The following LRRTM4 variants were observed in gnomAD, a reference collection of about 807,000 sequenced individuals.
The protein encoded by LRRTM4 is leucine rich repeat transmembrane neuronal 4, also known as leucine-rich repeat transmembrane neuronal protein 4.
In LRRTM4, 25 loss-of-function variants were observed where a neutral mutation model predicts 47.6. The ratio of observed to expected loss-of-function variants is 0.53; its 90% CI spans 0.38 to 0.73. The LOEUF is 0.73. Ranked by LOEUF, LRRTM4 falls within the 30% of genes least tolerant of loss-of-function variation. The pLI, the probability that LRRTM4 is intolerant of heterozygous loss-of-function variation, is 0.00. For synonymous variants in LRRTM4, 311 were observed against 269.5 expected, an observed-to-expected ratio of 1.15 and a Z score of -1.51; for missense variants, 638 against 713.4, an observed-to-expected ratio of 0.89 and a Z score of 1.20.
chr2:77,378,386 A>C (rs1672918665), intron 3 of LRRTM4, among the ~76,000 whole-genome samples: 1 of 151,994 alleles, frequency 6.6e-6, no homozygotes, highest in Admixed American at 6.6e-5. Context: ...CTATAATTTT[A>C]TTTTGAAAGC....
intron 3 of LRRTM4, among the ~76,000 whole-genome samples, chr2:77,119,163 T>C (rs990407208): frequency 2.0e-5 from 3 of 151,840 alleles, no homozygotes; most frequent in African/African-American, 7.2e-5. Flanking sequence ...CAATGTATGC[T>C]CTCTTTTGTT....
At chr2:77,475,853 T>C (rs563278101) in intron 3 of LRRTM4, among the ~76,000 whole-genome samples, 2 of 152,134 alleles carry the variant, frequency 1.3e-5, no homozygotes, top group Non-Finnish European at 2.9e-5. Flanking sequence ...TGTCAATTTA[T>C]ATTTCTTTTT....
intron 3 of LRRTM4, among the ~76,000 whole-genome samples, chr2:77,343,374 A>G (rs1671445033): frequency 6.6e-6 from 1 of 152,000 alleles, no homozygotes; most frequent in Non-Finnish European, 1.5e-5. Context: ...TTATTGAATT[A>G]AAACATTAGG....
At chr2:77,477,522 G>T (rs1372542650) in intron 3 of LRRTM4, among the ~76,000 whole-genome samples, 1 of 151,936 alleles carries the variant, frequency 6.6e-6, no homozygotes, top group Non-Finnish European at 1.5e-5. Flanking sequence ...TATACTATTT[G>T]AAAGTATATG....
chr2:76,807,431 TATATACGTATATAC>T (rs1670535611), intron 3 of LRRTM4, among the ~76,000 whole-genome samples: 1 of 94,706 alleles, frequency 1.1e-5, no homozygotes, highest in African/African-American at 6.3e-5. Flanking sequence ...TATACATATA[TATATACGTATATAC>T]ATATATATAT....
intron 3 of LRRTM4, among the ~76,000 whole-genome samples, chr2:77,183,662 C>G (rs1673416819): frequency 6.6e-6 from 1 of 152,054 alleles, no homozygotes; most frequent in Non-Finnish European, 1.5e-5. Context: ...TTCACAATAG[C>G]AAAGACTTGG....
intron 3 of LRRTM4, among the ~76,000 whole-genome samples, chr2:77,151,830 T>C (rs534706915): frequency 6.6e-6 from 1 of 152,244 alleles, no homozygotes; most frequent in South Asian, 2.1e-4. Flanking sequence ...AGATCAAACA[T>C]TTTTTTAAAA....
intron 3 of LRRTM4, among the ~76,000 whole-genome samples, chr2:76,807,167 A>G (rs1676011272): frequency 1.3e-5 from 2 of 151,898 alleles, no homozygotes; most frequent in African/African-American, 2.4e-5. Context: ...TACTTCATGG[A>G]ATTGATTCAA....
intron 3 of LRRTM4, among the ~76,000 whole-genome samples, chr2:77,426,996 T>G (rs1233888175): frequency 2.0e-5 from 3 of 151,796 alleles, no homozygotes; most frequent in Non-Finnish European, 4.4e-5. Flanking sequence ...TTTTTTTTTT[T>G]TCTGACGGAG....
chr2:77,383,838 C>T (rs1272613440), intron 3 of LRRTM4, among the ~76,000 whole-genome samples: 1 of 151,972 alleles, frequency 6.6e-6, no homozygotes, highest in African/African-American at 2.4e-5. Context: ...TGAATAAGAC[C>T]TCAAAGACCT....
intron 3 of LRRTM4, among the ~76,000 whole-genome samples, chr2:76,801,954 T>C (rs1235641584): frequency 2.0e-5 from 3 of 152,038 alleles, no homozygotes; most frequent in Non-Finnish European, 4.4e-5. Flanking sequence ...AGAAATTAGA[T>C]ATAGAAGGAA....
At chr2:77,105,265 A>G (rs931644561) in intron 3 of LRRTM4, among the ~76,000 whole-genome samples, 2 of 152,126 alleles carry the variant, frequency 1.3e-5, no homozygotes, top group Admixed American at 1.3e-4. Flanking sequence ...AAAAGAAATT[A>G]TTTTGTGTAG....
chr2:76,821,947 A>T (rs1671064224), intron 3 of LRRTM4, among the ~76,000 whole-genome samples: 1 of 151,574 alleles, frequency 6.6e-6, no homozygotes, highest in Admixed American at 6.6e-5. Flanking sequence ...GAGTCCAATT[A>T]CTTCTTTAGA....
chr2:76,963,927 A>C (rs1232348564), intron 3 of LRRTM4, among the ~76,000 whole-genome samples: 3 of 150,778 alleles, frequency 2.0e-5, no homozygotes, highest in African/African-American at 7.3e-5. Context: ...ATATTACACA[A>C]AACATGTCAT....
rs114993330 is a variant in LRRTM4 at position 76,927,578 on chromosome 2, A to C, written c.1552-178662T>G. ...AAAAGTCATGTATGTAAAAAAGCCA[A>C]TACCTTTCTCTATTCCAATCCACTA... On this transcript the variant is annotated intron_variant, in intron 3 of 3. Coordinates refer to ENST00000409884, the MANE Select transcript of LRRTM4 (RefSeq NM_001134745.3). 2.8e-3 allele frequency among the ~76,000 whole-genome samples: 419 copies of C among 152,224 alleles called. 1 individual carries two copies. The highest frequency in any genetic ancestry group is 6.8e-3 in the Middle Eastern group (2 of 294).
chr2:77,312,355 T>C (rs1446156880), intron 3 of LRRTM4, among the ~76,000 whole-genome samples: 1 of 152,202 alleles, frequency 6.6e-6, no homozygotes, highest in Admixed American at 6.5e-5. Context: ...GAATCCTATT[T>C]AGTTGTATCA....
chr2:77,165,295 C>T (rs533788968), intron 3 of LRRTM4, among the ~76,000 whole-genome samples: 31 of 151,922 alleles, frequency 2.0e-4, no homozygotes, highest in Non-Finnish European at 3.2e-4. Context: ...GACCAATAAC[C>T]GGCTCTGAAA....
In LRRTM4 at chr2:76,748,932, A is replaced by C. The variant is rs766297835; in HGVS notation, c.1552-16T>G. 2 of 1,604,078 alleles carry C rather than the reference A, an allele frequency of 1.2e-6. No homozygotes were observed. The highest frequency in any genetic ancestry group is 2.7e-5 in the African/African-American group (2 of 74,768). ...GGTGTGGCATCTGGATATGAGAAAT[A>C]GAAAGATGGGTGGATTATAAAATTG... is the stretch of plus-strand genomic sequence containing the variant. On this transcript the variant is annotated splice_polypyrimidine_tract_variant and intron_variant, in intron 3 of 3. Transcript: ENST00000409884.
chr2:77,078,698 T>C (rs969640596), intron 3 of LRRTM4, among the ~76,000 whole-genome samples: 2 of 152,204 alleles, frequency 1.3e-5, no homozygotes, highest in Non-Finnish European at 2.9e-5. Flanking sequence ...TGACAAACCT[T>C]GTCCAGCAAG....
Sources: gnomAD v4.1 joint callset for allele counts (sites outside exome capture counted in the v4.1 genomes callset) on GRCh38, gnomAD v4.1.1 for gene constraint, MANE v1.5 for transcripts, NCBI Gene and HGNC (gene_info 2026-07-23, HGNC 2026-07-21) for gene names.